The following WWC2 variants were observed in gnomAD, a reference collection of about 807,000 sequenced individuals.
The protein encoded by WWC2 is protein WWC2.
WWC2 carries 101 observed loss-of-function variants against 138.5 expected under a neutral mutation model. The observed-to-expected ratio is 0.73, with a 90% CI of 0.62 to 0.86. The LOEUF is 0.86. Among genes scored for constraint, WWC2 ranks in the 40% least tolerant of loss-of-function variants. The pLI is 0.00. For missense variants in WWC2, 1,420 were observed against 1,419.4 expected, an observed-to-expected ratio of 1.00 and a Z score of -0.01; for synonymous variants, 558 against 538.4, an observed-to-expected ratio of 1.04 and a Z score of -0.50.
At chr4:183,277,743 A>AT (rs1388335588) in intron 16 of WWC2, among the ~76,000 whole-genome samples, 1 of 147,030 alleles carries the variant, frequency 6.8e-6, no homozygotes, top group Non-Finnish European at 1.5e-5. Flanking sequence ...GATGGTGAGC[A>AT]TTTTTTCATG....
At chr4:183,220,706 C>T (rs6835091) in intron 4 of WWC2, among the ~76,000 whole-genome samples, 138,426 of 151,426 alleles carry the variant, frequency 0.91, 63,520 homozygotes, top group East Asian at 0.96. Context: ...TGGTGGCGGG[C>T]GCCTGTAGTC....
chr4:183,216,307 T>A (rs776794580), intron 4 of WWC2, among the ~76,000 whole-genome samples: 3 of 152,178 alleles, frequency 2.0e-5, no homozygotes, highest in Non-Finnish European at 4.4e-5. Flanking sequence ...GAATTTTAGC[T>A]CCTTCAAGAT....
chr4:183,243,766 TG>T (rs2111319127), intron 5 of WWC2, among the ~76,000 whole-genome samples: 1 of 150,646 alleles, frequency 6.6e-6, no homozygotes, highest in East Asian at 2.0e-4. Flanking sequence ...TGTGTGTGTG[TG>T]TGTGTGTGTG....
rs1580121905 is a variant in WWC2, at chr4:183,261,531, A to G, written c.1908A>G (p.Ala636=). Residue 636 remains alanine, a splice_region_variant and synonymous_variant, in exon 11 of 23, where the codon GCA becomes GCG. Transcript: ENST00000403733. ...CAREPLYEGT[A]DVEKSLPKRR... ...GGGAGCCATTATATGAAGGAACTGC[A>G]GGTAAATGCAGCCCTTTGCTTTCAT... 1.9e-6 allele frequency: 3 copies of G among 1,609,054 alleles called. No homozygotes were observed. The highest frequency in any genetic ancestry group is 2.5e-6 in the Non-Finnish European group (3 of 1,177,540).
chr4:183,316,476 T>A lies in WWC2; in HGVS notation c.*747T>A, dbSNP rs1484538975. ...AGAAAGAACACCAGCCACGCAGAGA[T>A]ACAAATAAGCTCATCAAATGAGCAG... On this transcript the variant is annotated 3_prime_UTR_variant, in exon 23 of 23. Transcript: ENST00000403733. The A allele has an allele frequency of 6.6e-6, 1 of 152,354 alleles. No individual in the cohort carries two copies. The highest frequency in any genetic ancestry group is 1.9e-4 in the East Asian group (1 of 5,186). 9.4% of individuals were successfully genotyped at this position (152,354 alleles called of 1,614,324 possible).
intron 1 of WWC2, among the ~76,000 whole-genome samples, chr4:183,103,561 C>T (rs1248905494): frequency 2.0e-5 from 3 of 150,574 alleles, no homozygotes; most frequent in Non-Finnish European, 4.4e-5. Flanking sequence ...CTCCTGACCT[C>T]AGGTGATCTG....
intron 1 of WWC2, among the ~76,000 whole-genome samples, chr4:183,130,734 A>T (rs1423518224): frequency 6.6e-6 from 1 of 152,134 alleles, no homozygotes; most frequent in Non-Finnish European, 1.5e-5. Context: ...GAGTGCTTGC[A>T]TTGTGCCAGG....
intron 1 of WWC2, among the ~76,000 whole-genome samples, chr4:183,150,595 G>T (rs1427108184): frequency 6.6e-6 from 1 of 152,046 alleles, no homozygotes; most frequent in African/African-American, 2.4e-5. Context: ...TGCACAACAT[G>T]CAGGGTTGTG....
Position 183,193,487 on chromosome 4 carries a change from T to C in WWC2, c.132-112T>C, listed in dbSNP as rs79968229. 995 of 900,206 alleles carry C rather than the reference T, an allele frequency of 1.1e-3. 5 individuals are homozygous for C. The African/African-American group carries it at 0.015, about 13-fold the overall frequency. 55.8% of individuals were successfully genotyped at this position (900,206 alleles called of 1,614,324 possible). ...TCTGTATTTTATCCTTGGTTTTTTT[T>C]TTTCTTTAAGATTTTAAATGCAACC... On this transcript the variant is annotated intron_variant, in intron 1 of 22. Transcript: ENST00000403733.
At chr4:183,222,376 A>G (rs1031643868) in intron 4 of WWC2, among the ~76,000 whole-genome samples, 4 of 151,912 alleles carry the variant, frequency 2.6e-5, no homozygotes, top group South Asian at 2.1e-4. Context: ...TAACATATCT[A>G]TGATAGCCAT....
Position 183,282,736 on chromosome 4 carries a change from G to A in WWC2, c.2713G>A (p.Glu905Lys). The change falls in exon 18 of 23, where the codon GAA (glutamate) becomes AAA (lysine). Residue 905 changes from glutamate (E) to lysine (K), a missense_variant. Transcript: ENST00000403733. ...WLTMLREASDEIVAEKEAEVK... is the reference protein window; with the variant it reads ...WLTMLREASDKIVAEKEAEVK... The stretch of plus-strand genomic sequence containing the variant: ...AACAATGCTAAGAGAGGCCTCTGAT[G>A]AAATTGTGGCTGAAAAAGAGGCTGA... 2 of 1,576,438 alleles carry A rather than the reference G, an allele frequency of 1.3e-6. No homozygotes were observed. The highest frequency in any genetic ancestry group is 1.3e-5 in the African/African-American group (1 of 74,322).
chr4:183,110,234 C>T (rs575484742), intron 1 of WWC2, among the ~76,000 whole-genome samples: 22 of 152,172 alleles, frequency 1.4e-4, no homozygotes, highest in Non-Finnish European at 2.8e-4. Flanking sequence ...TTTGGAAGTA[C>T]CATAGTTGTT....
intron 1 of WWC2, among the ~76,000 whole-genome samples, chr4:183,186,684 T>G (rs1734812685): frequency 6.6e-6 from 1 of 151,944 alleles, no homozygotes; most frequent in Non-Finnish European, 1.5e-5. Flanking sequence ...CAGGCTAGCC[T>G]GGAGGAGGGG....
chr4:183,120,113 T>C (rs987523020), intron 1 of WWC2, among the ~76,000 whole-genome samples: 2 of 152,248 alleles, frequency 1.3e-5, no homozygotes, highest in African/African-American at 2.4e-5. Context: ...TTTGCTACTT[T>C]ATGATTAAGT....
At chr4:183,192,341 G>A (rs1003539245) in intron 1 of WWC2, among the ~76,000 whole-genome samples, 1 of 152,194 alleles carries the variant, frequency 6.6e-6, no homozygotes, top group African/African-American at 2.4e-5. Flanking sequence ...CCAGTAAGTG[G>A]TCTCACAGTG....
chr4:183,232,753 T>C (rs956792904), intron 4 of WWC2, among the ~76,000 whole-genome samples: 3 of 152,168 alleles, frequency 2.0e-5, no homozygotes, highest in African/African-American at 7.2e-5. Context: ...GTTCAAGTGA[T>C]TCTCCTGTCT....
intron 8 of WWC2, among the ~76,000 whole-genome samples, chr4:183,250,213 T>G (rs532026838): frequency 2.2e-5 from 3 of 137,752 alleles, no homozygotes; most frequent in Non-Finnish European, 3.0e-5. Context: ...GGAGAATTAG[T>G]GAGAAGTATA....
chr4:183,155,189 G>GGGGAGAGAGAGAGA (rs1554067851), intron 1 of WWC2, among the ~76,000 whole-genome samples: 13 of 103,652 alleles, frequency 1.3e-4, no homozygotes, highest in African/African-American at 4.5e-4. Context: ...CATCTTCTGA[G>GGGGAGAGAGAGAGA]GAGAGAGAGA....
At position 183,198,789 on chromosome 4, in the gene WWC2, TA is replaced by T. The variant is rs56182831; in HGVS notation, c.241+5107del. Among the ~76,000 whole-genome samples, 123 of 72,336 alleles carry T rather than the reference TA, an allele frequency of 1.7e-3. 1 individual carries two copies. Among genetic ancestry groups the T allele is most frequent in the Middle Eastern group, 0.013 (1 of 78 alleles). 47.5% of individuals were successfully genotyped at this position (72,336 alleles called of 152,430 possible). ...GGTAACATATAAGACCTCGTCTCTT[TA>T]AAAAAAAAAAAAAAAAAAAAAAAAA... On this transcript the variant is annotated intron_variant, in intron 2 of 22. Transcript: ENST00000403733.
Sources: gnomAD v4.1 joint callset for allele counts (sites outside exome capture counted in the v4.1 genomes callset) on GRCh38, gnomAD v4.1.1 for gene constraint, MANE v1.5 for transcripts, NCBI Gene and HGNC (gene_info 2026-07-23, HGNC 2026-07-21) for gene names.